The following RDX variants were observed in gnomAD, a reference collection of about 807,000 sequenced individuals.
RDX encodes the protein deafness, autosomal recessive 24.
Under a neutral mutation model 83.7 loss-of-function variants are expected in RDX, and 32 were observed. That is an observed-to-expected ratio of 0.38 (90% CI 0.29 to 0.51). RDX has a LOEUF of 0.51. Among genes scored for constraint, RDX ranks in the 20% least tolerant of loss-of-function variants. RDX has a pLI of 0.87. For synonymous variants in RDX, 229 were observed against 222.7 expected (o/e 1.03, Z -0.25); for missense variants, 600 against 689.9 (o/e 0.87, Z 1.46).
intron 1 of RDX, among the ~76,000 whole-genome samples, chr11:110,295,642 G>GAAGAA (rs1555051125): frequency 8.2e-6 from 1 of 122,256 alleles, no homozygotes; most frequent in African/African-American, 3.2e-5. Context: ...TGTTTAAACT[G>GAAGAA]AAAAAAAAAA....
intron 14 of RDX, among the ~76,000 whole-genome samples, chr11:110,219,825 T>C (rs1379457968): frequency 6.6e-6 from 1 of 152,200 alleles, no homozygotes; most frequent in Non-Finnish European, 1.5e-5. Context: ...GAGTTAAATA[T>C]ATACATCTGA....
chr11:110,243,361 C>A (rs1374654964), intron 10 of RDX, among the ~76,000 whole-genome samples: 1 of 152,066 alleles, frequency 6.6e-6, no homozygotes, highest in Non-Finnish European at 1.5e-5. Flanking sequence ...ACAATAAAAA[C>A]TAGTGGAAGA....
At chr11:110,178,490 C>A (rs974907687) in intron 15 of RDX, among the ~76,000 whole-genome samples, 46 of 152,124 alleles carry the variant, frequency 3.0e-4, no homozygotes, top group African/African-American at 9.7e-4. Flanking sequence ...TGGCTTCTGC[C>A]CTGGAGATCA....
chr11:110,196,464 T>C (rs952000013), intron 15 of RDX, among the ~76,000 whole-genome samples: 11 of 152,220 alleles, frequency 7.2e-5, no homozygotes, highest in Non-Finnish European at 1.5e-4. Context: ...GTCTCACATA[T>C]AGATTTTGCA....
chr11:110,285,784 G>A (rs976692442), intron 1 of RDX, among the ~76,000 whole-genome samples: 34 of 150,692 alleles, frequency 2.3e-4, no homozygotes, highest in Non-Finnish European at 5.9e-5. Context: ...ATTGAAACTG[G>A]CATCTATTAG....
chr11:110,208,218 A>T (rs1167693662), intron 14 of RDX, among the ~76,000 whole-genome samples: 1 of 152,228 alleles, frequency 6.6e-6, no homozygotes, highest in Non-Finnish European at 1.5e-5. Flanking sequence ...AATAAATGAC[A>T]AAGAATTGCA....
At chr11:110,290,601 A>G (rs1016354642) in intron 1 of RDX, among the ~76,000 whole-genome samples, 1 of 152,186 alleles carries the variant, frequency 6.6e-6, no homozygotes, top group Admixed American at 6.5e-5. Flanking sequence ...TATTTTACTC[A>G]TCTTTCCATT....
chr11:110,263,824 C>T (rs986427779), intron 5 of RDX, 136 bp downstream of exon 5: 23 of 728,866 alleles, frequency 3.2e-5, no homozygotes, highest in Middle Eastern at 3.9e-4. Context: ...GCTGAGATCA[C>T]GCCACTGCAC....
intron 15 of RDX, among the ~76,000 whole-genome samples, chr11:110,187,090 T>G (rs1211168911): frequency 1.3e-5 from 2 of 152,194 alleles, no homozygotes; most frequent in Non-Finnish European, 2.9e-5. Context: ...CAGAGCCAAC[T>G]TGGCACCCTG....
intron 14 of RDX, among the ~76,000 whole-genome samples, chr11:110,215,717 T>G (rs1354339246): frequency 6.6e-6 from 1 of 152,220 alleles, no homozygotes; most frequent in African/African-American, 2.4e-5. Context: ...TAAACATGTC[T>G]CAGTTGGCTT....
chr11:110,184,915 G>T (rs972347350), intron 15 of RDX, among the ~76,000 whole-genome samples: 1 of 152,092 alleles, frequency 6.6e-6, no homozygotes, highest in African/African-American at 2.4e-5. Flanking sequence ...CCTTGGAGGG[G>T]GGGCTAGGGC....
At chr11:110,197,318 C>T (rs7109556) in intron 15 of RDX, among the ~76,000 whole-genome samples, 59,070 of 152,026 alleles carry the variant, frequency 0.39, 11,722 homozygotes, top group East Asian at 0.6. Flanking sequence ...CAGTGGGAGA[C>T]GGACCAGAAC....
intron 1 of RDX, among the ~76,000 whole-genome samples, chr11:110,280,542 C>T (rs986331663): frequency 2.6e-5 from 4 of 152,232 alleles, no homozygotes; most frequent in Non-Finnish European, 4.4e-5. Flanking sequence ...CGCCACTGCG[C>T]CTGGCTTATT....
At chr11:110,208,104 G>C (rs1863673998) in intron 14 of RDX, among the ~76,000 whole-genome samples, 1 of 151,812 alleles carries the variant, frequency 6.6e-6, no homozygotes. Context: ...ACAGGCATGA[G>C]CCACCATGCC....
chr11:110,187,675 T>G (rs151009176), intron 15 of RDX, among the ~76,000 whole-genome samples: 2,536 of 152,316 alleles, frequency 0.017, 88 homozygotes, highest in African/African-American at 0.056. Flanking sequence ...TCTGCACTGG[T>G]GCTTATGCTT....
Position 110,263,887 on chromosome 11 carries a change from G to GA in RDX, c.467+72dup, listed in dbSNP as rs1859904813. On this transcript the variant is annotated intron_variant, in intron 5 of 13. Coordinates refer to ENST00000645495, the MANE Select transcript of RDX (RefSeq NM_002906.4). ...TGTCTCCAAAAAAAAAAAAAAACCT[G>GA]AAAAACGTTTTATTTATAGACTTCT... 4.7e-6 allele frequency: 6 copies of GA among 1,285,436 alleles called. No homozygotes were observed. In the Admixed American group the frequency reaches 6.6e-5, roughly 14 times the overall value. The allele number at this position is 1,285,436 out of a possible 1,614,324, so 79.6% of individuals were successfully genotyped here. A position where few individuals can be genotyped will look rare whatever the true frequency, so the allele number is the denominator to read the frequency against.
At chr11:110,246,333 T>C (rs1859104031) in intron 10 of RDX, among the ~76,000 whole-genome samples, 1 of 152,326 alleles carries the variant, frequency 6.6e-6, no homozygotes, top group East Asian at 1.9e-4. Context: ...ATTCTACTCA[T>C]TGCTCAAGAG....
At chr11:110,204,205 CT>C (rs768395798) in intron 14 of RDX, among the ~76,000 whole-genome samples, 2 of 150,940 alleles carry the variant, frequency 1.3e-5, no homozygotes, top group Non-Finnish European at 2.9e-5. Context: ...GCCCAAAAGA[CT>C]TCACAAATTA....
intron 2 of RDX, among the ~76,000 whole-genome samples, chr11:110,276,941 G>A (rs555101000): frequency 2.6e-5 from 4 of 152,290 alleles, no homozygotes; most frequent in African/African-American, 9.6e-5. Flanking sequence ...AAATACAAAT[G>A]TTTTAGAGGT....
Sources: allele counts gnomAD v4.1 joint callset (sites outside exome capture counted in the v4.1 genomes callset), GRCh38; gene constraint gnomAD v4.1.1; transcripts MANE v1.5; gene names NCBI Gene and HGNC (gene_info 2026-07-23, HGNC 2026-07-21).